Variants in SH3PXD2A observed in about 807,000 individuals in gnomAD.
SH3PXD2A encodes the protein SH3 and PX domains 2A, also known as SH3 and PX domain-containing protein 2A.
A neutral mutation model predicts 115.2 loss-of-function variants in SH3PXD2A; 32 were observed. That is an observed-to-expected ratio of 0.28 (90% CI 0.21 to 0.37). The LOEUF is 0.37. Ranked by LOEUF, SH3PXD2A falls within the 10% of genes least tolerant of loss-of-function variation. SH3PXD2A has a pLI of 1.00. For missense variants in SH3PXD2A, 1,328 were observed against 1,498.7 expected (o/e 0.89, Z 1.88); for synonymous variants, 610 against 629.1 (o/e 0.97, Z 0.45).
At chr10:103,780,220 T>A (rs2038919553) in intron 2 of SH3PXD2A, among the ~76,000 whole-genome samples, 1 of 152,230 alleles carries the variant, frequency 6.6e-6, no homozygotes, top group African/African-American at 2.4e-5. Context: ...TGTGCAACCC[T>A]GATGGGCTTC....
chr10:103,722,766 C>T (rs150183964), intron 5 of SH3PXD2A, among the ~76,000 whole-genome samples: 1 of 152,248 alleles, frequency 6.6e-6, no homozygotes, highest in African/African-American at 2.4e-5. Flanking sequence ...AGAACTGGGA[C>T]GTGAACTCAA....
intron 3 of SH3PXD2A, among the ~76,000 whole-genome samples, chr10:103,757,090 G>T (rs920621050): frequency 6.6e-6 from 1 of 152,182 alleles, no homozygotes; most frequent in Non-Finnish European, 1.5e-5. Flanking sequence ...GGGTATAACT[G>T]TACTCTCTCA....
chr10:103,692,926 C>T lies in SH3PXD2A; in HGVS notation c.427+102G>A, dbSNP rs542165641. ...CCCGTAGGCTGGCGTGCAAGGACAA[C>T]CCCCCCCTCCCCGCCCCCAAGAAGT... On this transcript the variant is annotated intron_variant, in intron 6 of 14. Transcript: ENST00000369774. The T allele has an allele frequency of 4.4e-4, 376 of 848,518 alleles. No individual in the cohort carries two copies. The African/African-American group carries it at 5.1e-3, about 12-fold the overall frequency. 52.6% of individuals were successfully genotyped at this position (848,518 alleles called of 1,614,324 possible).
At chr10:103,848,558 GA>G (rs1842868901) in intron 1 of SH3PXD2A, among the ~76,000 whole-genome samples, 1 of 152,180 alleles carries the variant, frequency 6.6e-6, no homozygotes. Context: ...AGCTGGCCCT[GA>G]GCTTTCCTGT....
chr10:103,650,366 T>A (rs1281032140), intron 8 of SH3PXD2A, among the ~76,000 whole-genome samples: 1 of 152,208 alleles, frequency 6.6e-6, no homozygotes, highest in Non-Finnish European at 1.5e-5. Context: ...GCTTCACTTT[T>A]CCAGGCCTCC....
chr10:103,840,284 C>G (rs1175731512), intron 1 of SH3PXD2A, among the ~76,000 whole-genome samples: 1 of 152,180 alleles, frequency 6.6e-6, no homozygotes, highest in African/African-American at 2.4e-5. Flanking sequence ...TGCCAGACAC[C>G]CTAATCTAGC....
chr10:103,739,297 C>A (rs2134189719), intron 3 of SH3PXD2A, among the ~76,000 whole-genome samples: 1 of 152,360 alleles, frequency 6.6e-6, no homozygotes, highest in East Asian at 1.9e-4. Context: ...GCTCCTGGAT[C>A]TGCTGCTCAC....
chr10:103,811,078 G>C (rs996955845), intron 1 of SH3PXD2A, among the ~76,000 whole-genome samples: 2 of 152,134 alleles, frequency 1.3e-5, no homozygotes, highest in Admixed American at 6.6e-5. Context: ...AAACAATGAC[G>C]GTCCCCAGGA....
intron 2 of SH3PXD2A, among the ~76,000 whole-genome samples, chr10:103,787,492 GT>G (rs1217641237): frequency 2.0e-5 from 3 of 152,192 alleles, no homozygotes; most frequent in Admixed American, 2.0e-4. Context: ...GCTGGATGGA[GT>G]GGGGGCAGGC....
At chr10:103,613,229 C>G (rs12780395) in intron 11 of SH3PXD2A, 39 bp from the exon 12 acceptor site, 1 of 1,470,002 alleles carries the variant, frequency 6.8e-7, no homozygotes, top group East Asian at 2.3e-5. Flanking sequence ...TTAGAGCACT[C>G]TGACCTCACA....
chr10:103,780,933 C>T (rs1419220839), intron 2 of SH3PXD2A, among the ~76,000 whole-genome samples: 4 of 152,184 alleles, frequency 2.6e-5, no homozygotes, highest in Non-Finnish European at 5.9e-5. Flanking sequence ...CTCTGCTCAA[C>T]TGACCTCTCT....
chr10:103,773,241 A>G (rs2038846817), intron 2 of SH3PXD2A, among the ~76,000 whole-genome samples: 1 of 128,200 alleles, frequency 7.8e-6, no homozygotes, highest in Non-Finnish European at 1.8e-5. Context: ...AAAAAAAAAA[A>G]GAGAAAAAAA....
At chr10:103,787,775 AAAAC>A (rs760137757) in intron 2 of SH3PXD2A, among the ~76,000 whole-genome samples, 4 of 152,172 alleles carry the variant, frequency 2.6e-5, no homozygotes, top group African/African-American at 7.2e-5. Flanking sequence ...TGTTTGGCAA[AAAAC>A]AAACAAACAA....
chr10:103,759,905 C>T (rs1424557440), intron 3 of SH3PXD2A, among the ~76,000 whole-genome samples: 1 of 152,246 alleles, frequency 6.6e-6, no homozygotes, highest in Non-Finnish European at 1.5e-5. Context: ...CAAGAGACCT[C>T]AGAAAGCGCT....
intron 6 of SH3PXD2A, among the ~76,000 whole-genome samples, chr10:103,691,335 T>C (rs1252777156): frequency 6.6e-6 from 1 of 152,156 alleles, no homozygotes; most frequent in Admixed American, 6.6e-5. Flanking sequence ...TTAGCATTTT[T>C]GTTTTAAAGA....
intron 1 of SH3PXD2A, among the ~76,000 whole-genome samples, chr10:103,838,536 T>G (rs2039567649): frequency 6.6e-6 from 1 of 152,094 alleles, no homozygotes; most frequent in Admixed American, 6.6e-5. Context: ...CTTTCCTCTC[T>G]AAGGTTCAGA....
intron 1 of SH3PXD2A, among the ~76,000 whole-genome samples, chr10:103,840,493 T>C (rs986904850): frequency 2.6e-5 from 4 of 152,208 alleles, no homozygotes; most frequent in Admixed American, 6.5e-5. Flanking sequence ...TTTTGTTCCC[T>C]CACCCTGACA....
intron 5 of SH3PXD2A, among the ~76,000 whole-genome samples, chr10:103,717,535 C>A (rs1042352272): frequency 2.0e-5 from 3 of 152,136 alleles, no homozygotes; most frequent in Admixed American, 2.0e-4. Context: ...AGAATGAGGG[C>A]GTGGCCACTG....
At position 103,824,621 on chromosome 10, in the gene SH3PXD2A, G is replaced by C. The variant is rs572467190; in HGVS notation, c.73-23259C>G. ...ATAGCCCCTCTCCCGGCATCCCCTC[G>C]GCTTGAGGATAACCAGCCCTACTTC... is the stretch of plus-strand genomic sequence containing the variant. On this transcript the variant is annotated intron_variant, in intron 1 of 14. Coordinates refer to ENST00000369774, the MANE Select transcript of SH3PXD2A (RefSeq NM_001394015.1). Among the ~76,000 whole-genome samples the C allele has an allele frequency of 1.4e-3, 215 of 152,164 alleles. 1 individual carries two copies. The highest frequency in any genetic ancestry group is 5.0e-3 in the African/African-American group (206 of 41,486).
Sources: allele counts gnomAD v4.1 joint callset (sites outside exome capture counted in the v4.1 genomes callset), GRCh38; gene constraint gnomAD v4.1.1; transcripts MANE v1.5; gene names NCBI Gene and HGNC (gene_info 2026-07-23, HGNC 2026-07-21).